The following ZNF396 variants were observed in gnomAD, a reference collection of about 807,000 sequenced individuals.
ZNF396 encodes the protein zinc finger protein 396.
In ZNF396, 14 loss-of-function variants were observed where a neutral mutation model predicts 20.5. The ratio of observed to expected loss-of-function variants is 0.68; its 90% CI spans 0.45 to 1.07. The LOEUF is 1.07. Among genes scored for constraint, ZNF396 ranks in the 50% least tolerant of loss-of-function variants. The pLI, the probability that ZNF396 is intolerant of heterozygous loss-of-function variation, is 0.00. For synonymous variants in ZNF396, 119 were observed against 140.6 expected, an observed-to-expected ratio of 0.85 and a Z score of 1.08; for missense variants, 347 against 390.1, an observed-to-expected ratio of 0.89 and a Z score of 0.93.
intron 3 of ZNF396, among the ~76,000 whole-genome samples, chr18:35,371,630 A>G (rs1293040158): frequency 1.3e-5 from 2 of 152,092 alleles, no homozygotes; most frequent in Non-Finnish European, 2.9e-5. Flanking sequence ...CTCTTCTTAT[A>G]AAGTTACCAG....
Position 35,373,956 on chromosome 18 carries a change from G to T in ZNF396, c.337C>A (p.Gln113Lys), listed in dbSNP as rs1225630792. ...ILPKELQAWV[Q>K]KHHPENGEET... ...TCTCCATTCTCTGGATGATGCTTCT[G>T]CACCCAGGCCTGAAGCTCTTTTGGG... is the stretch of plus-strand genomic sequence containing the variant. The change falls in exon 2 of 4, where the codon CAG becomes AAG. Residue 113 changes from glutamine (Q) to lysine (K), a missense_variant. Physicochemically the swap from Gln to Lys is moderately conservative, Grantham distance 53. Coordinates refer to ENST00000589332, the MANE Select transcript of ZNF396 (RefSeq NM_001322286.2). 6.2e-7 allele frequency: 1 copy of T among 1,614,082 alleles called. No homozygotes were observed. The highest frequency in any genetic ancestry group is 8.5e-7 in the Non-Finnish European group (1 of 1,180,036).
rs755191023 is a variant in ZNF396 at position 35,373,609 on chromosome 18, A to G, written c.418-9T>C. Reference sequence around the variant, plus strand: ...CTTCGTCCAAAAAAGATCTAAAAACAGGAATAATTGAGGCTGAAGAACACC... The same window carrying G: ...CTTCGTCCAAAAAAGATCTAAAAACGGGAATAATTGAGGCTGAAGAACACC... On this transcript the variant is annotated splice_polypyrimidine_tract_variant and intron_variant, in intron 2 of 3. Transcript: ENST00000589332. 5.7e-5 allele frequency: 92 copies of G among 1,613,524 alleles called. 1 individual carries two copies. The highest frequency in any genetic ancestry group is 5.0e-5 in the Admixed American group (3 of 59,952).
chr18:35,368,414 G>T lies in ZNF396; in HGVS notation c.*801C>A. 6.9e-7 allele frequency: 1 copy of T among 1,441,470 alleles called. No homozygotes were observed. Among genetic ancestry groups the T allele is most frequent in the South Asian group, 1.8e-5 (1 of 55,388 alleles). The allele number at this position is 1,441,470 out of a possible 1,614,324, so 89.3% of individuals were successfully genotyped here. A position where few individuals can be genotyped will look rare whatever the true frequency, so the allele number is the denominator to read the frequency against. On this transcript the variant is annotated 3_prime_UTR_variant, in exon 4 of 4. Coordinates refer to ENST00000589332, the MANE Select transcript of ZNF396 (RefSeq NM_001322286.2). Reference sequence around the variant, plus strand: ...TAGTCTTGAAGTACATATTCTTTTGGGCCTCTGCAATCGCATGTTCATATT... The same window carrying T: ...TAGTCTTGAAGTACATATTCTTTTGTGCCTCTGCAATCGCATGTTCATATT...
rs1567952375 is a variant in ZNF396 at position 35,367,300 on chromosome 18, C to T, written c.*1915G>A. Reference sequence around the variant, plus strand: ...TTCACTTCTCCTCCTACTAATCTTACATTTATCAGCATACTAACTAAGCAG... The same window carrying T: ...TTCACTTCTCCTCCTACTAATCTTATATTTATCAGCATACTAACTAAGCAG... On this transcript the variant is annotated 3_prime_UTR_variant, in exon 4 of 4. Transcript: ENST00000589332. 3 of 152,214 alleles carry T rather than the reference C, an allele frequency of 2.0e-5. No individual in the cohort carries two copies. The highest frequency in any genetic ancestry group is 2.1e-4 in the South Asian group (1 of 4,828). The allele number at this position is 152,214 out of a possible 1,614,324, so 9.4% of individuals were successfully genotyped here. A position where few individuals can be genotyped will look rare whatever the true frequency, so the allele number is the denominator to read the frequency against.
In ZNF396 at chr18:35,368,325, G is replaced by T; in HGVS notation, c.*890C>A. 1 of 1,313,702 alleles carries T rather than the reference G, an allele frequency of 7.6e-7. No homozygotes were observed. Among genetic ancestry groups the T allele is most frequent in the Non-Finnish European group, 1.0e-6 (1 of 986,688 alleles). The allele number at this position is 1,313,702 out of a possible 1,614,324, so 81.4% of individuals were successfully genotyped here. ...ATATTAATAGTATGGAGGCTCTTGT[G>T]TGCTTTCATAAGATAAGGCCTTTAT... On this transcript the variant is annotated 3_prime_UTR_variant, in exon 4 of 4. Coordinates refer to ENST00000589332, the MANE Select transcript of ZNF396 (RefSeq NM_001322286.2).
Position 35,373,535 on chromosome 18 carries a change from T to C in ZNF396, c.483A>G (p.Glu161=), listed in dbSNP as rs2045213684. The C allele has an allele frequency of 6.2e-7, 1 of 1,614,030 alleles. No individual in the cohort carries two copies. The highest frequency in any genetic ancestry group is 8.5e-7 in the Non-Finnish European group (1 of 1,180,016). The part of the protein sequence containing the change: ...EKLAPSEITE[E]LPSSQLMPVK... ...CGGGCATGAGCTGGCTACTTGGCAA[T>C]TCCTCAGTGATTTCTGAAGGTGCTA... Residue 161 remains glutamate (E), a synonymous_variant, in exon 3 of 4, where the codon GAA becomes GAG. Transcript: ENST00000589332.
chr18:35,371,288 A>C (rs1350686466), intron 3 of ZNF396, among the ~76,000 whole-genome samples: 1 of 152,166 alleles, frequency 6.6e-6, no homozygotes, highest in Non-Finnish European at 1.5e-5. Flanking sequence ...AAACTAAATA[A>C]ACCTAACTTG....
In ZNF396 at chr18:35,369,590, A is replaced by C. The variant is rs775808351; in HGVS notation, c.633T>G (p.His211Gln). Residue 211 changes from histidine to glutamine, a missense_variant, in exon 4 of 4, where the codon CAT becomes CAG. Physicochemically the swap from His to Gln is conservative, Grantham distance 24 (BLOSUM62 0). Coordinates refer to ENST00000589332, the MANE Select transcript of ZNF396 (RefSeq NM_001322286.2). ...TATGAAGGATATTGGAAACATTGCA[A>C]TGCAGTTCTATGCCTAAAGAAGTCT... is the stretch of plus-strand genomic sequence containing the variant. The part of the protein sequence containing the change: ...RQKTSLGIEL[H>Q]CNVSNILHMN... 4.3e-6 allele frequency: 7 copies of C among 1,613,932 alleles called. No individual in the cohort carries two copies. The East Asian group carries it at 1.6e-4, about 36-fold the overall frequency.
intron 1 of ZNF396, among the ~76,000 whole-genome samples, chr18:35,375,669 G>C (rs1461617636): frequency 6.6e-6 from 1 of 152,056 alleles, no homozygotes; most frequent in Non-Finnish European, 1.5e-5. Flanking sequence ...AACAAAGTTG[G>C]GGGGGGACGG....
intron 3 of ZNF396, chr18:35,371,755 C>T (rs902559435): frequency 6.6e-6 from 1 of 152,208 alleles, no homozygotes; most frequent in African/African-American, 2.4e-5. Context: ...TACTGCCACA[C>T]TTGGGATTAA....
In ZNF396 at chr18:35,369,651, ATG is replaced by A; in HGVS notation, c.570_571del (p.Ile191GlnfsTer38). ...AGCAGATTTCACATTTGTAGTTTTG[ATG>A]TCTTCATCTGAAATGGAAAAACAAA... On this transcript the variant is annotated frameshift_variant, in exon 4 of 4. Transcript: ENST00000589332. LOFTEE classifies it low-confidence loss of function (END_TRUNC). The A allele has an allele frequency of 6.3e-7, 1 of 1,594,962 alleles. No homozygotes were observed. The highest frequency in any genetic ancestry group is 8.5e-7 in the Non-Finnish European group (1 of 1,172,918).
At position 35,367,299 on chromosome 18, in the gene ZNF396, A is replaced by G. The variant is rs1238482348; in HGVS notation, c.*1916T>C. On this transcript the variant is annotated 3_prime_UTR_variant, in exon 4 of 4. Transcript: ENST00000589332. ...ATTCACTTCTCCTCCTACTAATCTT[A>G]CATTTATCAGCATACTAACTAAGCA... is the stretch of plus-strand genomic sequence containing the variant. 2.0e-5 allele frequency: 3 copies of G among 152,222 alleles called. No homozygotes were observed. Among genetic ancestry groups the G allele is most frequent in the Non-Finnish European group, 4.4e-5 (3 of 68,020 alleles). The allele number at this position is 152,222 out of a possible 1,614,324, so 9.4% of individuals were successfully genotyped here.
chr18:35,370,605 C>T (rs1435057990), intron 3 of ZNF396, among the ~76,000 whole-genome samples: 1 of 147,322 alleles, frequency 6.8e-6, no homozygotes, highest in East Asian at 2.0e-4. Context: ...CTCCGCCTCC[C>T]GGGTTCACGC....
intron 3 of ZNF396, 125 bp from the exon 4 acceptor site, chr18:35,369,785 T>C: frequency 9.9e-7 from 1 of 1,006,394 alleles, no homozygotes; most frequent in Non-Finnish European, 1.4e-6. Flanking sequence ...TAAGACAAAA[T>C]ATTGAGAAGT....
chr18:35,375,453 G>A (rs533496861), intron 1 of ZNF396, among the ~76,000 whole-genome samples: 5 of 152,146 alleles, frequency 3.3e-5, no homozygotes, highest in Non-Finnish European at 7.4e-5. Context: ...ACATCTTTAT[G>A]AATATACTGT....
chr18:35,369,711 G>C (rs1211810217), intron 3 of ZNF396, 51 bp from the exon 4 acceptor site: 6 of 1,497,032 alleles, frequency 4.0e-6, no homozygotes, highest in Non-Finnish European at 5.4e-6. Context: ...TGATCCAAAT[G>C]AAATATACAT....
At position 35,368,315 on chromosome 18, in the gene ZNF396, A is replaced by T; in HGVS notation, c.*900T>A. The T allele has an allele frequency of 8.6e-7, 1 of 1,160,838 alleles. No homozygotes were observed. Among genetic ancestry groups the T allele is most frequent in the Non-Finnish European group, 1.2e-6 (1 of 851,404 alleles). The allele number at this position is 1,160,838 out of a possible 1,614,324, so 71.9% of individuals were successfully genotyped here. On this transcript the variant is annotated 3_prime_UTR_variant, in exon 4 of 4. Transcript: ENST00000589332. Reference sequence around the variant, plus strand: ...AATTAACTTGATATTAATAGTATGGAGGCTCTTGTGTGCTTTCATAAGATA... The same window carrying T: ...AATTAACTTGATATTAATAGTATGGTGGCTCTTGTGTGCTTTCATAAGATA...
At position 35,369,440 on chromosome 18, in the gene ZNF396, A is replaced by T; in HGVS notation, c.783T>A (p.Ser261Arg). 6.2e-7 allele frequency: 1 copy of T among 1,614,258 alleles called. No individual in the cohort carries two copies. ...GATGTAAAATAAGGGCTGAGCTCTGACTAAAGATTTTGCCACATTCATCAC... is the reference window on the plus strand; with the variant it reads ...GATGTAAAATAAGGGCTGAGCTCTGTCTAAAGATTTTGCCACATTCATCAC... ...QKCDECGKIF[S>R]QSSALILHQR... The change falls in exon 4 of 4, where the codon AGT becomes AGA. Residue 261 changes from serine (S) to arginine (R), a missense_variant. Physicochemically the swap from Ser to Arg is moderately radical, Grantham distance 110 (BLOSUM62 -1). Coordinates refer to ENST00000589332, the MANE Select transcript of ZNF396 (RefSeq NM_001322286.2).
chr18:35,376,605 G>A (rs2045261416), intron 1 of ZNF396, among the ~76,000 whole-genome samples: 1 of 152,166 alleles, frequency 6.6e-6, no homozygotes, highest in Admixed American at 6.5e-5. Flanking sequence ...CAGATGAAGC[G>A]GGGCCAGAAG....
Sources: gnomAD v4.1 joint callset for allele counts (sites outside exome capture counted in the v4.1 genomes callset) on GRCh38, gnomAD v4.1.1 for gene constraint, MANE v1.5 for transcripts, NCBI Gene and HGNC (gene_info 2026-07-23, HGNC 2026-07-21) for gene names.